The following SVOP variants were observed in gnomAD, a reference collection of about 807,000 sequenced individuals.
SVOP encodes SV2 related protein, also known as synaptic vesicle 2-related protein.
Under a neutral mutation model 69.1 loss-of-function variants are expected in SVOP, and 17 were observed. The observed-to-expected ratio is 0.25, with a 90% CI of 0.17 to 0.37. The LOEUF (loss-of-function observed/expected upper bound fraction) is 0.37. SVOP is among the 10% of genes least tolerant of loss of function. The probability of loss-of-function intolerance (pLI) is 1.00; values close to 1 mark genes in which losing one functional copy is unlikely to be tolerated. For synonymous variants in SVOP, 238 were observed against 238.6 expected, an observed-to-expected ratio of 1.00 and a Z score of 0.02; for missense variants, 435 against 597.5, an observed-to-expected ratio of 0.73 and a Z score of 2.84.
chr12:109,004,688 C>T (rs979213472), intron 1 of SVOP, among the ~76,000 whole-genome samples: 3 of 149,574 alleles, frequency 2.0e-5, no homozygotes, highest in Non-Finnish European at 4.4e-5. Context: ...CCACCATGCC[C>T]GGCCTGATAC....
At chr12:108,978,347 T>C in intron 3 of SVOP, 1 of 482,512 alleles carries the variant, frequency 2.1e-6, no homozygotes, top group Middle Eastern at 5.5e-4. Context: ...GCCACCTAAT[T>C]AGCTAGAAAG....
chr12:109,014,629 T>C (rs2040358741), intron 1 of SVOP, among the ~76,000 whole-genome samples: 1 of 152,234 alleles, frequency 6.6e-6, no homozygotes, highest in Admixed American at 6.5e-5. Flanking sequence ...CTCTTTTCCA[T>C]GATGGCTACA....
In SVOP at chr12:108,934,247, G is replaced by A. The variant is rs755910712; in HGVS notation, c.996C>T (p.Tyr332=). 2.4e-5 allele frequency: 39 copies of A among 1,605,686 alleles called. No homozygotes were observed. Among genetic ancestry groups the A allele is most frequent in the Admixed American group, 1.0e-4 (6 of 58,772 alleles). The change falls in exon 11 of 16, where the codon TAC becomes TAT. Residue 332 remains tyrosine (Y), a synonymous_variant. Coordinates refer to ENST00000610966, the MANE Select transcript of SVOP (RefSeq NM_018711.5). ...FIWFSNAFSY[Y]GLVLLTTELF... is the part of the protein sequence containing the mutation. ...GTTCTGTGGTGAGTAGAACTAACCCGTAGTAAGAGAATGCATTGGAAAACC... is the reference window on the plus strand; with the variant it reads ...GTTCTGTGGTGAGTAGAACTAACCCATAGTAAGAGAATGCATTGGAAAACC...
At chr12:108,941,691 T>G (rs192986886) in intron 7 of SVOP, among the ~76,000 whole-genome samples, 1 of 152,174 alleles carries the variant, frequency 6.6e-6, no homozygotes, top group Non-Finnish European at 1.5e-5. Context: ...AGACAGAGTC[T>G]TGCTCTGTCG....
At chr12:108,942,635 T>C (rs1413962868) in intron 7 of SVOP, among the ~76,000 whole-genome samples, 1 of 152,270 alleles carries the variant, frequency 6.6e-6, no homozygotes, top group Non-Finnish European at 1.5e-5. Context: ...CTGAGGGTCC[T>C]AGCTCCTGTC....
Position 108,922,681 on chromosome 12 carries a change from G to T in SVOP, c.1156+9C>A, listed in dbSNP as rs763591746. On this transcript the variant is annotated intron_variant, in intron 12 of 15. Coordinates refer to ENST00000610966, the MANE Select transcript of SVOP (RefSeq NM_018711.5). The stretch of plus-strand genomic sequence containing the variant: ...CCTGACACAGCTTCACCTTGCACAG[G>T]TCCCTCACCTGGAAACTCAGAGAGG... 1 of 1,590,946 alleles carries T rather than the reference G, an allele frequency of 6.3e-7. No individual in the cohort carries two copies. The highest frequency in any genetic ancestry group is 8.6e-7 in the Non-Finnish European group (1 of 1,164,906).
At position 108,910,809 on chromosome 12, in the gene SVOP, G is replaced by A. The variant is rs2039677319; in HGVS notation, c.*1726C>T. 6.6e-6 allele frequency: 1 copy of A among 152,222 alleles called. No homozygotes were observed. Among genetic ancestry groups the A allele is most frequent in the Non-Finnish European group, 1.5e-5 (1 of 68,044 alleles). The allele number at this position is 152,222 out of a possible 1,614,324, so 9.4% of individuals were successfully genotyped here. On this transcript the variant is annotated 3_prime_UTR_variant, in exon 16 of 16. Transcript: ENST00000610966. Reference sequence around the variant, plus strand: ...CTAAAGCATTGAGATGAATTCCGATGAACAAAGGTAGTCAGACCGTTAGGC... The same window carrying A: ...CTAAAGCATTGAGATGAATTCCGATAAACAAAGGTAGTCAGACCGTTAGGC...
intron 6 of SVOP, among the ~76,000 whole-genome samples, chr12:108,951,082 T>C (rs1041976981): frequency 1.3e-5 from 2 of 152,236 alleles, no homozygotes; most frequent in African/African-American, 4.8e-5. Flanking sequence ...ACCTGTGATC[T>C]CAGCCTGGCA....
chr12:108,937,285 G>A lies in SVOP; in HGVS notation c.950C>T (p.Thr317Ile). Residue 317 changes from threonine to isoleucine, a missense_variant, in exon 10 of 16, where the codon ACT (threonine) becomes ATT (isoleucine). Physicochemically the swap from Thr to Ile is moderately conservative, Grantham distance 89. Transcript: ENST00000610966. Reference protein sequence around the residue: ...DLFTPHFRWTTLLLWFIWFSN... With the variant: ...DLFTPHFRWTILLLWFIWFSN... ...TTACCATATAAACCACAGCAGCAAAGTTGTCCATCTAAAATGGGGTGTGAA... is the reference window on the plus strand; with the variant it reads ...TTACCATATAAACCACAGCAGCAAAATTGTCCATCTAAAATGGGGTGTGAA... 1.2e-6 allele frequency: 2 copies of A among 1,613,966 alleles called. No homozygotes were observed.
rs532682875 is a variant in SVOP, at chr12:108,911,602, A to C, written c.*933T>G. On this transcript the variant is annotated 3_prime_UTR_variant, in exon 16 of 16. Transcript: ENST00000610966. ...GCTACTCGGGAGGCTGAGACAGGAGAATTGCTTGAACCCGGGAGGCAGAGT... is the reference window on the plus strand; with the variant it reads ...GCTACTCGGGAGGCTGAGACAGGAGCATTGCTTGAACCCGGGAGGCAGAGT... The C allele has an allele frequency of 6.6e-6, 1 of 152,336 alleles. No individual in the cohort carries two copies. The highest frequency in any genetic ancestry group is 2.4e-5 in the African/African-American group (1 of 41,512). 9.4% of individuals were successfully genotyped at this position (152,336 alleles called of 1,614,324 possible).
intron 14 of SVOP, among the ~76,000 whole-genome samples, chr12:108,916,196 G>A (rs527542069): frequency 2.0e-5 from 3 of 152,304 alleles, no homozygotes; most frequent in Non-Finnish European, 4.4e-5. Context: ...CTTCTCATGC[G>A]TTCACCTTGA....
At chr12:108,925,920 AC>A (rs1459047919) in intron 11 of SVOP, among the ~76,000 whole-genome samples, 1 of 137,796 alleles carries the variant, frequency 7.3e-6, no homozygotes, top group Non-Finnish European at 1.6e-5. Context: ...TACATTCCTG[AC>A]CTTTTTTTTT....
chr12:108,952,988 T>C (rs762176515), intron 6 of SVOP, among the ~76,000 whole-genome samples: 1 of 152,084 alleles, frequency 6.6e-6, no homozygotes, highest in Non-Finnish European at 1.5e-5. Flanking sequence ...GAGCAGAACA[T>C]TTAGCAAAGT....
At chr12:108,963,498 T>TA (rs1190567338) in intron 5 of SVOP, among the ~76,000 whole-genome samples, 9 of 152,276 alleles carry the variant, frequency 5.9e-5, no homozygotes, top group African/African-American at 2.2e-4. Flanking sequence ...TTTATTTATT[T>TA]TTTTTTTGAA....
intron 6 of SVOP, among the ~76,000 whole-genome samples, chr12:108,959,507 C>T (rs1009024132): frequency 6.6e-6 from 1 of 152,064 alleles, no homozygotes; most frequent in African/African-American, 2.4e-5. Flanking sequence ...GTGCCCGCCA[C>T]CAAGCCCGGA....
intron 4 of SVOP, among the ~76,000 whole-genome samples, chr12:108,974,708 G>A (rs1250043482): frequency 6.9e-6 from 1 of 145,492 alleles, no homozygotes; most frequent in South Asian, 2.3e-4. Flanking sequence ...TCCAGCCTGG[G>A]CAACACAGAG....
rs1409496092 is a variant in SVOP at position 108,919,779 on chromosome 12, A to C, written c.1164T>G (p.Leu388=). ...GGCGGTCAATAATCCACAGAGTCAC[A>C]AGGACACCTGGAAGGGGAGTGGGGA... The part of the protein sequence containing the change: ...WTTLSEFPGV[L]VTLWIIDRLG... Residue 388 remains leucine (L), a synonymous_variant, in exon 13 of 16, where the codon CTT becomes CTG. Coordinates refer to ENST00000610966, the MANE Select transcript of SVOP (RefSeq NM_018711.5). The C allele has an allele frequency of 6.3e-7, 1 of 1,593,480 alleles. No individual in the cohort carries two copies. Among genetic ancestry groups the C allele is most frequent in the South Asian group, 1.1e-5 (1 of 87,694 alleles).
At chr12:108,930,596 A>G (rs528939385) in intron 11 of SVOP, among the ~76,000 whole-genome samples, 1 of 152,136 alleles carries the variant, frequency 6.6e-6, no homozygotes, top group Admixed American at 6.5e-5. Flanking sequence ...CACCACACTC[A>G]GCTAATTTTT....
At chr12:108,998,208 T>C (rs953688367) in intron 1 of SVOP, among the ~76,000 whole-genome samples, 31 of 151,946 alleles carry the variant, frequency 2.0e-4, no homozygotes, top group African/African-American at 7.3e-4. Flanking sequence ...AGAAAGAGTA[T>C]CAGCAATGGA....
Sources: allele counts gnomAD v4.1 joint callset (sites outside exome capture counted in the v4.1 genomes callset), GRCh38; gene constraint gnomAD v4.1.1; transcripts MANE v1.5; gene names NCBI Gene and HGNC (gene_info 2026-07-23, HGNC 2026-07-21).